IMMP2L: variants seen among roughly 807,000 people sequenced by gnomAD.
IMMP2L encodes mitochondrial inner membrane protease subunit 2.
In IMMP2L, 18 loss-of-function variants were observed where a neutral mutation model predicts 19.3. The observed-to-expected ratio is 0.93, with a 90% CI of 0.64 to 1.38. The LOEUF is 1.38. Among genes scored for constraint, IMMP2L ranks in the 40% most tolerant of loss-of-function variants. The pLI is 0.00. For missense variants in IMMP2L, 233 were observed against 218.2 expected, an observed-to-expected ratio of 1.07 and a Z score of -0.43; for synonymous variants, 76 against 73.0, an observed-to-expected ratio of 1.04 and a Z score of -0.21.
chr7:111,538,176 CACT>C lies in IMMP2L; in HGVS notation c.-2-16730_-2-16728del, dbSNP rs1279611374. 3.3e-5 allele frequency among the ~76,000 whole-genome samples: 5 copies of C among 151,076 alleles called. No individual in the cohort carries two copies. The East Asian group carries it at 9.7e-4, about 29-fold the overall frequency. ...TTCTGCGCGAGCAGAAACACTTGTTCACTACTATACTTAAGTGCTTTGCACTTA... is the reference window on the plus strand; with the variant it reads ...TTCTGCGCGAGCAGAAACACTTGTTCACTATACTTAAGTGCTTTGCACTTA... On this transcript the variant is annotated intron_variant, in intron 1 of 5. Coordinates refer to ENST00000405709, the MANE Select transcript of IMMP2L (RefSeq NM_032549.4).
At chr7:111,117,308 T>A (rs1800005270) in intron 3 of IMMP2L, among the ~76,000 whole-genome samples, 1 of 152,124 alleles carries the variant, frequency 6.6e-6, no homozygotes, top group South Asian at 2.1e-4. Flanking sequence ...TGTGAAAGAA[T>A]CTTACAACTC....
chr7:111,114,750 A>G (rs1228058265), intron 3 of IMMP2L, among the ~76,000 whole-genome samples: 6 of 151,906 alleles, frequency 3.9e-5, no homozygotes, highest in South Asian at 4.2e-4. Flanking sequence ...AAAAAAAAAA[A>G]AAAGAAAGAA....
intron 5 of IMMP2L, among the ~76,000 whole-genome samples, chr7:110,748,997 C>T (rs1414451371): frequency 2.6e-5 from 4 of 152,106 alleles, no homozygotes; most frequent in African/African-American, 9.7e-5. Context: ...TGCAATCTAT[C>T]CATCTGACAA....
chr7:111,193,178 T>C (rs529317493), intron 3 of IMMP2L, among the ~76,000 whole-genome samples: 1 of 152,276 alleles, frequency 6.6e-6, no homozygotes, highest in Admixed American at 6.5e-5. Flanking sequence ...GTGAAGTATG[T>C]GGAGATGTAG....
intron 5 of IMMP2L, among the ~76,000 whole-genome samples, chr7:110,785,884 TTC>T (rs1800042053): frequency 6.6e-6 from 1 of 151,830 alleles, no homozygotes; most frequent in Non-Finnish European, 1.5e-5. Flanking sequence ...ATATGTATTT[TTC>T]TCTCTCTTTC....
At chr7:111,540,569 T>G (rs1848423149) in intron 1 of IMMP2L, among the ~76,000 whole-genome samples, 1 of 152,152 alleles carries the variant, frequency 6.6e-6, no homozygotes, top group Non-Finnish European at 1.5e-5. Context: ...CAAGGCCCTC[T>G]TCCACTTCCA....
At chr7:111,109,434 T>C (rs1798930067) in intron 3 of IMMP2L, among the ~76,000 whole-genome samples, 1 of 152,156 alleles carries the variant, frequency 6.6e-6, no homozygotes, top group Non-Finnish European at 1.5e-5. Flanking sequence ...AGTATAGGCT[T>C]ACTCAGTGAG....
At chr7:111,279,978 C>G (rs1021392403) in intron 3 of IMMP2L, among the ~76,000 whole-genome samples, 1 of 152,122 alleles carries the variant, frequency 6.6e-6, no homozygotes, top group Non-Finnish European at 1.5e-5. Context: ...TAGTCTCCTA[C>G]TTCTACTCTT....
intron 5 of IMMP2L, among the ~76,000 whole-genome samples, chr7:110,834,359 A>T (rs202101849): frequency 6.7e-6 from 1 of 150,252 alleles, no homozygotes. Context: ...CAAAGTTAAG[A>T]GTGTGTGTGT....
chr7:111,357,882 A>G (rs1269384290), intron 3 of IMMP2L, among the ~76,000 whole-genome samples: 1 of 151,964 alleles, frequency 6.6e-6, no homozygotes, highest in East Asian at 1.9e-4. Context: ...AAGTAACCCA[A>G]GGGCACTAGC....
chr7:111,526,214 C>T (rs907575090), intron 1 of IMMP2L, among the ~76,000 whole-genome samples: 3 of 152,176 alleles, frequency 2.0e-5, no homozygotes, highest in Admixed American at 6.5e-5. Context: ...GATGGCTAAG[C>T]ATACAGTATA....
intron 3 of IMMP2L, among the ~76,000 whole-genome samples, chr7:111,169,567 C>T (rs925008216): frequency 1.3e-5 from 2 of 151,984 alleles, no homozygotes; most frequent in Non-Finnish European, 2.9e-5. Flanking sequence ...CAATGACAAT[C>T]TTTGGTGTTC....
chr7:111,295,979 G>T (rs937227958), intron 3 of IMMP2L, among the ~76,000 whole-genome samples: 2 of 77,660 alleles, frequency 2.6e-5, no homozygotes, highest in African/African-American at 8.3e-5. Flanking sequence ...TTATTAGAAA[G>T]AATGTTAAAA....
At chr7:110,731,013 C>T (rs1330489361) in intron 5 of IMMP2L, among the ~76,000 whole-genome samples, 2 of 152,128 alleles carry the variant, frequency 1.3e-5, no homozygotes, top group East Asian at 1.9e-4. Flanking sequence ...ACACATGTTG[C>T]AGCTGATGGG....
chr7:111,428,057 C>A (rs1447278046), intron 3 of IMMP2L, among the ~76,000 whole-genome samples: 2 of 151,820 alleles, frequency 1.3e-5, no homozygotes, highest in East Asian at 3.9e-4. Flanking sequence ...GCAACACACT[C>A]ATGCTGTACA....
intron 1 of IMMP2L, among the ~76,000 whole-genome samples, chr7:111,536,450 T>C (rs1332075216): frequency 6.6e-6 from 1 of 151,910 alleles, no homozygotes; most frequent in Non-Finnish European, 1.5e-5. Flanking sequence ...GGACCACAGA[T>C]GCACACCACC....
chr7:111,142,340 A>G (rs147263123), intron 3 of IMMP2L, among the ~76,000 whole-genome samples: 425 of 16,054 alleles, frequency 0.026, 2 homozygotes, highest in East Asian at 0.067. Flanking sequence ...AAAAAAAAAA[A>G]AAAGAAAGAA....
chr7:111,413,951 G>C (rs1487738973), intron 3 of IMMP2L, among the ~76,000 whole-genome samples: 1 of 151,736 alleles, frequency 6.6e-6, no homozygotes, highest in Non-Finnish European at 1.5e-5. Context: ...TCACATCCCA[G>C]CAAGTTGCAG....
intron 5 of IMMP2L, among the ~76,000 whole-genome samples, chr7:110,787,723 A>G (rs1800179596): frequency 1.3e-5 from 2 of 151,986 alleles, no homozygotes; most frequent in South Asian, 4.2e-4. Context: ...TTTTCTGAAT[A>G]CGCTTTATAT....
Sources: gnomAD v4.1 joint callset for allele counts (sites outside exome capture counted in the v4.1 genomes callset) on GRCh38, gnomAD v4.1.1 for gene constraint, MANE v1.5 for transcripts, NCBI Gene and HGNC (gene_info 2026-07-23, HGNC 2026-07-21) for gene names.